The following GRID2 variants were observed in gnomAD, a reference collection of about 807,000 sequenced individuals.
The protein encoded by GRID2 is glutamate ionotropic receptor delta type subunit 2.
Under a neutral mutation model 114.8 loss-of-function variants are expected in GRID2, and 33 were observed. That is an observed-to-expected ratio of 0.29 (90% CI 0.22 to 0.38). The LOEUF (loss-of-function observed/expected upper bound fraction) is 0.38. GRID2 is among the 10% of genes least tolerant of loss of function. The pLI, the probability that GRID2 is intolerant of heterozygous loss-of-function variation, is 1.00. For missense variants in GRID2, 1,184 were observed against 1,257.7 expected, an observed-to-expected ratio of 0.94 and a Z score of 0.89; for synonymous variants, 505 against 449.9, an observed-to-expected ratio of 1.12 and a Z score of -1.55.
chr4:93,115,962 C>CT (rs949658390), intron 4 of GRID2, among the ~76,000 whole-genome samples: 1 of 151,996 alleles, frequency 6.6e-6, no homozygotes, highest in South Asian at 2.1e-4. Flanking sequence ...AGCTCTTTAA[C>CT]TTTTTTGTTT....
intron 8 of GRID2, among the ~76,000 whole-genome samples, chr4:93,392,371 C>G (rs1054639360): frequency 2.6e-5 from 4 of 152,096 alleles, no homozygotes; most frequent in Admixed American, 2.6e-4. Context: ...ACACTTGAAC[C>G]TAAGTGAAAT....
At chr4:93,759,011 C>T (rs756039517) in intron 14 of GRID2, among the ~76,000 whole-genome samples, 21 of 152,186 alleles carry the variant, frequency 1.4e-4, no homozygotes, top group Non-Finnish European at 2.1e-4. Flanking sequence ...TGGGTCTTCT[C>T]AGCTCTCTAG....
intron 2 of GRID2, among the ~76,000 whole-genome samples, chr4:92,778,213 C>G (rs1738899015): frequency 6.6e-6 from 1 of 151,984 alleles, no homozygotes; most frequent in Admixed American, 6.6e-5. Context: ...AATACTTGAT[C>G]CTCATTTATA....
At chr4:92,667,193 G>A (rs987750366) in intron 2 of GRID2, among the ~76,000 whole-genome samples, 1 of 151,560 alleles carries the variant, frequency 6.6e-6, no homozygotes, top group African/African-American at 2.4e-5. Flanking sequence ...AGTTACATGG[G>A]AAAGATTTTT....
At chr4:93,595,428 A>T (rs1738979704) in intron 13 of GRID2, among the ~76,000 whole-genome samples, 1 of 152,192 alleles carries the variant, frequency 6.6e-6, no homozygotes, top group Non-Finnish European at 1.5e-5. Flanking sequence ...TGCTGTGGGA[A>T]CTTGGGCAAA....
At chr4:93,127,037 G>C (rs1412874247) in intron 4 of GRID2, among the ~76,000 whole-genome samples, 1 of 152,126 alleles carries the variant, frequency 6.6e-6, no homozygotes, top group Non-Finnish European at 1.5e-5. Flanking sequence ...CACTCTGTAA[G>C]TTAACACTTA....
At chr4:92,444,142 C>T (rs1224643515) in intron 1 of GRID2, among the ~76,000 whole-genome samples, 1 of 152,180 alleles carries the variant, frequency 6.6e-6, no homozygotes, top group Non-Finnish European at 1.5e-5. Flanking sequence ...GAGCAAAGAA[C>T]AGGAGGACAG....
chr4:93,018,062 T>A (rs2149241918), intron 2 of GRID2, among the ~76,000 whole-genome samples: 1 of 151,810 alleles, frequency 6.6e-6, no homozygotes, highest in South Asian at 2.1e-4. Flanking sequence ...GTCCTACAGT[T>A]TTTCACTGTT....
chr4:93,349,975 T>A (rs2149259244), intron 8 of GRID2, among the ~76,000 whole-genome samples: 1 of 152,218 alleles, frequency 6.6e-6, no homozygotes, highest in Admixed American at 6.6e-5. Context: ...ATATTCATAA[T>A]CTGATATATG....
intron 8 of GRID2, among the ~76,000 whole-genome samples, chr4:93,285,417 GAAA>G (rs1325153467): frequency 6.6e-6 from 1 of 151,668 alleles, no homozygotes; most frequent in Non-Finnish European, 1.5e-5. Flanking sequence ...CATGAAAAAG[GAAA>G]AAAATAAAAC....
intron 1 of GRID2, among the ~76,000 whole-genome samples, chr4:92,526,132 G>A (rs1183305581): frequency 6.6e-6 from 1 of 151,842 alleles, no homozygotes; most frequent in Non-Finnish European, 1.5e-5. Context: ...AAGGGAAAAA[G>A]GGAGGCAAGG....
chr4:92,385,259 T>C (rs1295926158), intron 1 of GRID2, among the ~76,000 whole-genome samples: 1 of 151,852 alleles, frequency 6.6e-6, no homozygotes, highest in Non-Finnish European at 1.5e-5. Context: ...CAAATTTTGC[T>C]CATTTCTAGA....
chr4:92,388,825 A>C (rs1730104943), intron 1 of GRID2, among the ~76,000 whole-genome samples: 1 of 152,056 alleles, frequency 6.6e-6, no homozygotes, highest in South Asian at 2.1e-4. Flanking sequence ...TTTTGTTGAT[A>C]AATAATATTA....
chr4:92,843,048 A>C (rs1411458494), intron 2 of GRID2, among the ~76,000 whole-genome samples: 2 of 152,028 alleles, frequency 1.3e-5, no homozygotes, highest in Admixed American at 6.6e-5. Flanking sequence ...AGACAAGCCT[A>C]GGCAATATAA....
intron 1 of GRID2, among the ~76,000 whole-genome samples, chr4:92,404,359 G>C (rs1730931990): frequency 6.6e-6 from 1 of 152,142 alleles, no homozygotes. Context: ...CAGTCAGAAT[G>C]GGGATTATTA....
At chr4:93,503,833 T>TA (rs1361622660) in intron 12 of GRID2, among the ~76,000 whole-genome samples, 2 of 152,010 alleles carry the variant, frequency 1.3e-5, no homozygotes, top group Admixed American at 6.6e-5. Context: ...GAGATAAATT[T>TA]AAAAAAAATA....
At chr4:93,715,775 T>A (rs1728855048) in intron 14 of GRID2, among the ~76,000 whole-genome samples, 1 of 152,190 alleles carries the variant, frequency 6.6e-6, no homozygotes, top group South Asian at 2.1e-4. Context: ...TTTTGCACAT[T>A]GATTTTGTAT....
At chr4:92,439,025 G>A (rs1307943145) in intron 1 of GRID2, among the ~76,000 whole-genome samples, 2 of 152,118 alleles carry the variant, frequency 1.3e-5, no homozygotes, top group African/African-American at 2.4e-5. Context: ...TTTCACCTGG[G>A]GGCAGGTGGG....
rs557400252 is a variant in GRID2, at chr4:93,066,632, T to C, written c.245-18363T>C. Among the ~76,000 whole-genome samples, 17 of 152,172 alleles carry C rather than the reference T, an allele frequency of 1.1e-4. No homozygotes were observed. The South Asian group carries it at 2.3e-3, about 20-fold the overall frequency. On this transcript the variant is annotated intron_variant, in intron 2 of 15. Coordinates refer to ENST00000282020, the MANE Select transcript of GRID2 (RefSeq NM_001510.4). ...TTCTTTTTGTATAATTTCAGAATTATGTAGAAATATTTTTATCTTATAATA... is the reference window on the plus strand; with the variant it reads ...TTCTTTTTGTATAATTTCAGAATTACGTAGAAATATTTTTATCTTATAATA...
Sources: gnomAD v4.1 joint callset for allele counts (sites outside exome capture counted in the v4.1 genomes callset) on GRCh38, gnomAD v4.1.1 for gene constraint, MANE v1.5 for transcripts, NCBI Gene and HGNC (gene_info 2026-07-23, HGNC 2026-07-21) for gene names.